Variants in CEACAM8 observed in about 807,000 individuals in gnomAD.
CEACAM8 encodes the protein CEA cell adhesion molecule 8, also known as cell adhesion molecule CEACAM8.
A neutral mutation model predicts 33.4 loss-of-function variants in CEACAM8; 31 were observed. The observed-to-expected ratio is 0.93, with a 90% CI of 0.70 to 1.25. The LOEUF is 1.25. CEACAM8 is among the 50% of genes most tolerant of loss of function. The pLI is 0.00. For synonymous variants in CEACAM8, 138 were observed against 164.5 expected, an observed-to-expected ratio of 0.84 and a Z score of 1.23; for missense variants, 388 against 434.6, an observed-to-expected ratio of 0.89 and a Z score of 0.95.
chr19:42,586,648 G>GA (rs752238470), intron 4 of CEACAM8, among the ~76,000 whole-genome samples: 41 of 151,920 alleles, frequency 2.7e-4, no homozygotes, highest in Non-Finnish European at 4.9e-4. Flanking sequence ...AAAACACAGG[G>GA]AAAAAAACTC....
chr19:42,586,306 G>GA (rs946198343), intron 4 of CEACAM8, among the ~76,000 whole-genome samples: 1 of 150,102 alleles, frequency 6.7e-6, no homozygotes. Flanking sequence ...AAGGAACCTT[G>GA]AAAAAAAAAT....
intron 4 of CEACAM8, among the ~76,000 whole-genome samples, chr19:42,586,663 A>T (rs1322246871): frequency 6.6e-6 from 1 of 152,224 alleles, no homozygotes; most frequent in East Asian, 1.9e-4. Flanking sequence ...AAACTCCATG[A>T]CATTGGATTT....
At chr19:42,590,396 A>G (rs1442528279) in intron 2 of CEACAM8, among the ~76,000 whole-genome samples, 1 of 152,212 alleles carries the variant, frequency 6.6e-6, no homozygotes, top group Non-Finnish European at 1.5e-5. Context: ...TGAAGGGGAC[A>G]GGCAAGAACA....
intron 1 of CEACAM8, 76 bp downstream of exon 1, chr19:42,594,689 C>T: frequency 5.9e-6 from 7 of 1,195,116 alleles, no homozygotes; most frequent in Non-Finnish European, 8.7e-6. Context: ...CTCTCAGAGC[C>T]CCGTCCTCCC....
chr19:42,594,863 A>AGGAG lies in CEACAM8; in HGVS notation c.-36_-35insCTCC, dbSNP rs2042518230. On this transcript the variant is annotated 5_prime_UTR_variant, in exon 1 of 6. Coordinates refer to ENST00000244336, the MANE Select transcript of CEACAM8 (RefSeq NM_001816.4). ...TGCCTGCGTGTTCTCCTCTGTGGAG[A>AGGAG]TGAGCCTGGGATCCAGAAACTTTCT... 1 of 1,592,816 alleles carries AGGAG rather than the reference A, an allele frequency of 6.3e-7. No homozygotes were observed. The highest frequency in any genetic ancestry group is 2.3e-5 in the East Asian group (1 of 44,230).
intron 4 of CEACAM8, among the ~76,000 whole-genome samples, chr19:42,584,228 A>ACACACACACAC (rs201374845): frequency 2.0e-5 from 3 of 151,274 alleles, no homozygotes; most frequent in African/African-American, 7.3e-5. Context: ...ACACACACAC[A>ACACACACACAC]ACCTTTTGCA....
At position 42,589,577 on chromosome 19, in the gene CEACAM8, T is replaced by A; in HGVS notation, c.583A>T (p.Asn195Tyr). 3 of 1,614,196 alleles carry A rather than the reference T, an allele frequency of 1.9e-6. No individual in the cohort carries two copies. In the South Asian group the frequency reaches 3.3e-5, roughly 18 times the overall value. The change falls in exon 3 of 6, where the codon AAT (asparagine) becomes TAT (tyrosine). Residue 195 changes from asparagine to tyrosine, a missense_variant. Physicochemically the swap from Asn to Tyr is moderately radical, Grantham distance 143. Coordinates refer to ENST00000244336, the MANE Select transcript of CEACAM8 (RefSeq NM_001816.4). ...AGTAGAGTGAGGGTCCTGTTGCCAT[T>A]GGACAGCTGCAGCCTGGGACTGACC... The part of the protein sequence containing the change: ...LPVSPRLQLS[N>Y]GNRTLTLLSV...
chr19:42,588,300 C>A (rs2042370797), intron 4 of CEACAM8, among the ~76,000 whole-genome samples: 1 of 152,202 alleles, frequency 6.6e-6, no homozygotes, highest in Non-Finnish European at 1.5e-5. Flanking sequence ...GAGCTGGGAG[C>A]AGAGATGGGA....
At position 42,594,784 on chromosome 19, in the gene CEACAM8, C is replaced by T; in HGVS notation, c.45G>A (p.Trp15Ter). Residue 15 changes from tryptophan (W) to a stop codon, truncating the protein, a stop_gained, in exon 1 of 6, where the codon TGG becomes TGA. Coordinates refer to ENST00000244336, the MANE Select transcript of CEACAM8 (RefSeq NM_001816.4). LOFTEE classifies it high-confidence loss of function. The stretch of plus-strand genomic sequence containing the variant: ...CCTCACCTGTGAGCAGGAGCCCCTG[C>T]CAGGGGATGCGCCATCTGCAGGAAG... ...SAPSCRWRIP[W>*]QGLLLTASLF... 1.1e-5 allele frequency: 18 copies of T among 1,610,858 alleles called. No individual in the cohort carries two copies. Among genetic ancestry groups the T allele is most frequent in the Non-Finnish European group, 1.5e-5 (18 of 1,177,892 alleles).
chr19:42,592,625 TAAAA>T (rs2042465452), intron 2 of CEACAM8, among the ~76,000 whole-genome samples: 3 of 130,804 alleles, frequency 2.3e-5, no homozygotes, highest in Non-Finnish European at 4.9e-5. Context: ...AAAAAAGAAA[TAAAA>T]AGAATTATTA....
rs773490700 is a variant in CEACAM8, at chr19:42,593,908, G to A, written c.65-8C>T. On this transcript the variant is annotated splice_region_variant and splice_polypyrimidine_tract_variant and intron_variant, in intron 1 of 5. Coordinates refer to ENST00000244336, the MANE Select transcript of CEACAM8 (RefSeq NM_001816.4). The stretch of plus-strand genomic sequence containing the variant: ...AGAAGGTGAAAAGTGAGGCTAGGAG[G>A]GGGAGAGAGCATCAAGCAATATTGC... The A allele has an allele frequency of 5.1e-6, 8 of 1,567,562 alleles. No individual in the cohort carries two copies. The highest frequency in any genetic ancestry group is 6.1e-6 in the Non-Finnish European group (7 of 1,155,978).
chr19:42,593,284 G>T (rs1167330885), intron 2 of CEACAM8, among the ~76,000 whole-genome samples: 1 of 152,208 alleles, frequency 6.6e-6, no homozygotes, highest in Non-Finnish European at 1.5e-5. Context: ...GTGCCTGGCT[G>T]AGTCTGATCT....
chr19:42,591,667 C>T (rs1416814077), intron 2 of CEACAM8, among the ~76,000 whole-genome samples: 1 of 152,170 alleles, frequency 6.6e-6, no homozygotes, highest in Non-Finnish European at 1.5e-5. Context: ...GTGGCTCATG[C>T]GTCTCCCCAC....
At chr19:42,581,947 A>ATATAT (rs2042268505) in intron 5 of CEACAM8, among the ~76,000 whole-genome samples, 4 of 103,538 alleles carry the variant, frequency 3.9e-5, no homozygotes, top group South Asian at 4.0e-4. Context: ...ATATATATAT[A>ATATAT]AAATAAGGTG....
intron 4 of CEACAM8, among the ~76,000 whole-genome samples, chr19:42,587,243 A>C (rs2042351664): frequency 6.6e-6 from 1 of 152,226 alleles, no homozygotes; most frequent in Non-Finnish European, 1.5e-5. Context: ...CCACTTCTGG[A>C]CATATATGCA....
intron 2 of CEACAM8, among the ~76,000 whole-genome samples, chr19:42,590,333 G>A (rs1446251620): frequency 6.6e-6 from 1 of 152,222 alleles, no homozygotes; most frequent in Non-Finnish European, 1.5e-5. Context: ...TGACTTACTT[G>A]AGTCAGTGAC....
intron 4 of CEACAM8, among the ~76,000 whole-genome samples, chr19:42,586,906 A>G (rs2042346125): frequency 6.6e-6 from 1 of 152,194 alleles, no homozygotes; most frequent in Non-Finnish European, 1.5e-5. Flanking sequence ...CAAAAACCCA[A>G]CTAAAAAAGG....
chr19:42,589,891 T>A (rs891094780), intron 2 of CEACAM8, among the ~76,000 whole-genome samples, 156 bp from the exon 3 acceptor site: 1 of 152,200 alleles, frequency 6.6e-6, no homozygotes, highest in Non-Finnish European at 1.5e-5. Context: ...TGCACAATGA[T>A]CGGGGCTCAG....
Position 42,593,744 on chromosome 19 carries a change from T to G in CEACAM8, c.221A>C (p.Asp74Ala), listed in dbSNP as rs775584487. The change falls in exon 2 of 6, where the codon GAT (aspartate) becomes GCT (alanine). Residue 74 changes from aspartate (D) to alanine (A), a missense_variant. Physicochemically the swap from Asp to Ala is moderately radical, Grantham distance 126. Transcript: ENST00000244336. ...ATATCCTATAATTCGACGGTTGGCA[T>G]CCACTGTTTCCCCTTTGTACCAGTT... is the stretch of plus-strand genomic sequence containing the variant. ...GYNWYKGETV[D>A]ANRRIIGYVI... The G allele has an allele frequency of 1.9e-6, 3 of 1,614,006 alleles. No individual in the cohort carries two copies. The highest frequency in any genetic ancestry group is 2.7e-5 in the African/African-American group (2 of 74,906).
Sources: allele counts gnomAD v4.1 joint callset (sites outside exome capture counted in the v4.1 genomes callset), GRCh38; gene constraint gnomAD v4.1.1; transcripts MANE v1.5; gene names NCBI Gene and HGNC (gene_info 2026-07-23, HGNC 2026-07-21).